The following N4BP2 variants were observed in gnomAD, a reference collection of about 807,000 sequenced individuals.
The protein encoded by N4BP2 is NEDD4 binding protein 2.
N4BP2 carries 91 observed loss-of-function variants against 152.8 expected under a neutral mutation model. The ratio of observed to expected loss-of-function variants is 0.60; its 90% CI spans 0.50 to 0.71. The LOEUF (loss-of-function observed/expected upper bound fraction) is 0.71. N4BP2 is among the 30% of genes least tolerant of loss of function. The probability of loss-of-function intolerance (pLI) is 0.00; values close to 1 mark genes in which losing one functional copy is unlikely to be tolerated. For missense variants in N4BP2, 1,923 were observed against 2,059.1 expected (o/e 0.93, Z 1.28); for synonymous variants, 646 against 705.3 (o/e 0.92, Z 1.33).
intron 13 of N4BP2, among the ~76,000 whole-genome samples, chr4:40,135,904 G>T (rs965737449): frequency 6.6e-6 from 1 of 152,152 alleles, no homozygotes; most frequent in African/African-American, 2.4e-5. Flanking sequence ...TATATGGTCA[G>T]TTCCTCAGTA....
At chr4:40,079,088 A>G (rs568388528) in intron 2 of N4BP2, among the ~76,000 whole-genome samples, 29 of 151,796 alleles carry the variant, frequency 1.9e-4, no homozygotes, top group African/African-American at 6.5e-4. Flanking sequence ...CACTCGGCTA[A>G]TTTTTGTATT....
chr4:40,124,500 C>CCA (rs1456347589), intron 11 of N4BP2, among the ~76,000 whole-genome samples: 1 of 152,030 alleles, frequency 6.6e-6, no homozygotes, highest in African/African-American at 2.4e-5. Context: ...GTGCGCACCA[C>CCA]CACACCTGGC....
chr4:40,111,868 G>T (rs1033407686), intron 5 of N4BP2, among the ~76,000 whole-genome samples: 1 of 152,146 alleles, frequency 6.6e-6, no homozygotes, highest in African/African-American at 2.4e-5. Flanking sequence ...TGCCCGCTTT[G>T]GCTTCCCAAA....
At chr4:40,124,063 G>T in intron 10 of N4BP2, 97 bp from the exon 11 acceptor site, 1 of 864,014 alleles carries the variant, frequency 1.2e-6, no homozygotes, top group Non-Finnish European at 1.9e-6. Flanking sequence ...AGTTATACAA[G>T]GAGAAATGAT....
intron 3 of N4BP2, among the ~76,000 whole-genome samples, chr4:40,099,724 A>G (rs1223705627): frequency 6.6e-6 from 1 of 151,988 alleles, no homozygotes; most frequent in African/African-American, 2.4e-5. Flanking sequence ...TTTCCCAGCA[A>G]TCTGTATAAG....
At chr4:40,144,939 C>T (rs1720373552) in intron 16 of N4BP2, 139 bp downstream of exon 16, 1 of 587,874 alleles carries the variant, frequency 1.7e-6, no homozygotes, top group Non-Finnish European at 2.7e-6. Flanking sequence ...GTTATTCATT[C>T]TTCAAGAGAA....
At chr4:40,061,816 C>T (rs2109883430) in intron 1 of N4BP2, among the ~76,000 whole-genome samples, 1 of 151,952 alleles carries the variant, frequency 6.6e-6, no homozygotes, top group South Asian at 2.1e-4. Flanking sequence ...AGGCACCTGC[C>T]ACCACGCTTG....
intron 16 of N4BP2, among the ~76,000 whole-genome samples, chr4:40,151,547 C>T (rs1393390752): frequency 6.6e-6 from 1 of 152,190 alleles, no homozygotes; most frequent in Non-Finnish European, 1.5e-5. Context: ...GCTGAGATTA[C>T]AGGCATGAGC....
intron 2 of N4BP2, among the ~76,000 whole-genome samples, chr4:40,084,774 C>T (rs1440918171): frequency 6.8e-6 from 1 of 147,638 alleles, no homozygotes; most frequent in Non-Finnish European, 1.5e-5. Flanking sequence ...GGCCACCATG[C>T]CCAGCTAATT....
the N4BP2 span, among the ~76,000 whole-genome samples, chr4:40,180,613 T>C: frequency 2.0e-5 from 3 of 152,212 alleles, no homozygotes; most frequent in Admixed American, 2.0e-4. Context: ...AGTTCACAAT[T>C]ACAAAACGTG....
At chr4:40,099,902 G>A (rs764728799) in intron 3 of N4BP2, 8 of 106,034 alleles carry the variant, frequency 7.5e-5, no homozygotes, top group African/African-American at 2.0e-4. Context: ...TTTTTCCCCC[G>A]TCCCTGCCCA....
chr4:40,172,420 ACT>A, the N4BP2 span, among the ~76,000 whole-genome samples: 1 of 152,166 alleles, frequency 6.6e-6, no homozygotes, highest in Non-Finnish European at 1.5e-5. Flanking sequence ...TCAAGTTGAC[ACT>A]CAATATTAAC....
intron 2 of N4BP2, among the ~76,000 whole-genome samples, chr4:40,080,191 AAG>A (rs1713210622): frequency 6.6e-6 from 1 of 152,064 alleles, no homozygotes; most frequent in Non-Finnish European, 1.5e-5. Flanking sequence ...TGAAAAAAGG[AAG>A]ATACGTAAGA....
At position 40,120,233 on chromosome 4, in the gene N4BP2, G is replaced by A; in HGVS notation, c.2122G>A (p.Val708Ile). ...SENEQIEMVA[V>I]KGYSKTDTDS... ...AAACGAGCAAATAGAAATGGTGGCT[G>A]TAAAAGGGTATAGTAAAACTGACAC... Residue 708 changes from valine (V) to isoleucine (I), a missense_variant, in exon 9 of 18, where the codon GTA becomes ATA. By Grantham distance (29) the Val-to-Ile change is conservative. Coordinates refer to ENST00000261435, the MANE Select transcript of N4BP2 (RefSeq NM_018177.6). 1 of 1,613,832 alleles carries A rather than the reference G, an allele frequency of 6.2e-7. No homozygotes were observed. Among genetic ancestry groups the A allele is most frequent in the South Asian group, 1.1e-5 (1 of 91,078 alleles).
chr4:40,141,759 C>A (rs1247652045), intron 14 of N4BP2, among the ~76,000 whole-genome samples: 1 of 152,176 alleles, frequency 6.6e-6, no homozygotes, highest in Admixed American at 6.5e-5. Flanking sequence ...GAGGTTGTAG[C>A]GAGCCGAGAT....
chr4:40,144,687 T>C lies in N4BP2; in HGVS notation c.5030T>C (p.Ile1677Thr), dbSNP rs1414660655. The change falls in exon 16 of 18, where the codon ATC becomes ACC. Residue 1677 changes from isoleucine (I) to threonine (T), a missense_variant. Transcript: ENST00000261435. ...GCCAATCACCTTGCTGCCATAGAGATCTTTGAGAAAGTCAATGCTTCGCTG... is the reference window on the plus strand; with the variant it reads ...GCCAATCACCTTGCTGCCATAGAGACCTTTGAGAAAGTCAATGCTTCGCTG... Reference protein sequence around the residue: ...KEANHLAAIEIFEKVNASLLP... With the variant: ...KEANHLAAIETFEKVNASLLP... 1.2e-6 allele frequency: 2 copies of C among 1,614,024 alleles called. No individual in the cohort carries two copies. Among genetic ancestry groups the C allele is most frequent in the Non-Finnish European group, 1.7e-6 (2 of 1,179,958 alleles).
At chr4:40,107,926 C>CTT (rs11290025) in intron 5 of N4BP2, among the ~76,000 whole-genome samples, 4 of 143,978 alleles carry the variant, frequency 2.8e-5, no homozygotes, top group South Asian at 2.2e-4. Context: ...TCCTATGTAT[C>CTT]TTTTTTTTTT....
Position 40,097,441 on chromosome 4 carries a change from C to A in N4BP2, c.101C>A (p.Thr34Asn). 6.2e-7 allele frequency: 1 copy of A among 1,614,066 alleles called. No homozygotes were observed. Among genetic ancestry groups the A allele is most frequent in the Non-Finnish European group, 8.5e-7 (1 of 1,179,956 alleles). Residue 34 changes from threonine to asparagine, a missense_variant, in exon 3 of 18, where the codon ACC becomes AAC. Transcript: ENST00000261435. The stretch of plus-strand genomic sequence containing the variant: ...AGTGTTGCTAGTCGTGAGGAGCCAA[C>A]CACTACTCTACCTTCCATGGGTGAG... ...VSSVASREEP[T>N]TTLPSMGETK...
At chr4:40,140,836 CT>C (rs1248463054) in intron 14 of N4BP2, among the ~76,000 whole-genome samples, 1 of 151,318 alleles carries the variant, frequency 6.6e-6, no homozygotes, top group Non-Finnish European at 1.5e-5. Context: ...CAAAGCACAT[CT>C]TGCACCGCCC....
Sources: allele counts gnomAD v4.1 joint callset (sites outside exome capture counted in the v4.1 genomes callset), GRCh38; gene constraint gnomAD v4.1.1; transcripts MANE v1.5; gene names NCBI Gene and HGNC (gene_info 2026-07-23, HGNC 2026-07-21).